The following ZNF652 variants were observed in gnomAD, a reference collection of about 807,000 sequenced individuals.
ZNF652 encodes zinc finger protein 652.
In ZNF652, 16 loss-of-function variants were observed where a neutral mutation model predicts 45.2. That is an observed-to-expected ratio of 0.35 (90% CI 0.24 to 0.54). The LOEUF (loss-of-function observed/expected upper bound fraction) is 0.54. ZNF652 is among the 20% of genes least tolerant of loss of function. The probability of loss-of-function intolerance (pLI) is 0.91; values close to 1 mark genes in which losing one functional copy is unlikely to be tolerated. For missense variants in ZNF652, 614 were observed against 765.6 expected (o/e 0.80, Z 2.34); for synonymous variants, 250 against 260.6 (o/e 0.96, Z 0.39).
chr17:49,346,112 A>C (rs566605199), intron 1 of ZNF652, among the ~76,000 whole-genome samples: 187 of 152,336 alleles, frequency 1.2e-3, no homozygotes, highest in Non-Finnish European at 2.0e-3. Flanking sequence ...CAGTCTCACA[A>C]TTAGTTTATA....
At position 49,289,342 on chromosome 17, in the gene ZNF652, C is replaced by T. The variant is rs1418289303; in HGVS notation, c.*9071G>A. On this transcript the variant is annotated 3_prime_UTR_variant, in exon 6 of 6. Transcript: ENST00000430262. ...CAGAGTCTCACAAGAATAAAATATA[C>T]AATGCTACATTGAGTGGTTAAAAAT... 6.6e-6 allele frequency: 1 copy of T among 151,548 alleles called. No homozygotes were observed. Among genetic ancestry groups the T allele is most frequent in the Non-Finnish European group, 1.5e-5 (1 of 67,942 alleles). The allele number at this position is 151,548 out of a possible 1,614,324, so 9.4% of individuals were successfully genotyped here. A position where few individuals can be genotyped will look rare whatever the true frequency, so the allele number is the denominator to read the frequency against.
chr17:49,349,975 C>T (rs1259901808), intron 1 of ZNF652, among the ~76,000 whole-genome samples: 2 of 151,956 alleles, frequency 1.3e-5, no homozygotes, highest in Non-Finnish European at 2.9e-5. Flanking sequence ...ATAACCAAAG[C>T]GAATCCATGA....
At chr17:49,320,227 TTC>T (rs1467432313) in intron 1 of ZNF652, among the ~76,000 whole-genome samples, 1 of 152,250 alleles carries the variant, frequency 6.6e-6, no homozygotes, top group Non-Finnish European at 1.5e-5. Flanking sequence ...ATCCTTTGTC[TTC>T]TCTTCCATTT....
intron 1 of ZNF652, among the ~76,000 whole-genome samples, chr17:49,350,137 A>C (rs1045662940): frequency 8.5e-5 from 13 of 152,210 alleles, no homozygotes; most frequent in Non-Finnish European, 1.6e-4. Context: ...TTTGAGAAAC[A>C]CACTATGGTT....
chr17:49,344,395 T>A (rs1312321885), intron 1 of ZNF652, among the ~76,000 whole-genome samples: 1 of 151,548 alleles, frequency 6.6e-6, no homozygotes, highest in Non-Finnish European at 1.5e-5. Context: ...TTATTCCCCT[T>A]CACTGATTTA....
rs1219370142 is a variant in ZNF652 at position 49,317,113 on chromosome 17, G to C, written c.613C>G (p.Pro205Ala). 1 of 1,613,908 alleles carries C rather than the reference G, an allele frequency of 6.2e-7. No homozygotes were observed. Among genetic ancestry groups the C allele is most frequent in the Non-Finnish European group, 8.5e-7 (1 of 1,180,028 alleles). The change falls in exon 2 of 6, where the codon CCT (proline) becomes GCT (alanine). Residue 205 changes from proline to alanine, a missense_variant. Pro to Ala is a conservative substitution (Grantham distance 27). This residue lies in a region of ZNF652 where 262 missense variants were observed against 306.3 expected (regional missense o/e 0.86). Transcript: ENST00000430262. Reference sequence around the variant, plus strand: ...CGACCTCTTGTAGTTCTGGGAGTAGGGGAAGTGGTAGCTGCGGCAACAGAG... The same window carrying C: ...CGACCTCTTGTAGTTCTGGGAGTAGCGGAAGTGGTAGCTGCGGCAACAGAG... ...AASVAAATTS[P>A]TPRTTRGRRK... is the part of the protein sequence containing the mutation.
At chr17:49,336,034 T>G (rs1161104476) in intron 1 of ZNF652, among the ~76,000 whole-genome samples, 1 of 152,142 alleles carries the variant, frequency 6.6e-6, no homozygotes. Context: ...ACTTTTTTTT[T>G]TTTGTTTTGA....
In ZNF652 at chr17:49,296,328, CAGA is replaced by C. The variant is rs1317289936; in HGVS notation, c.*2082_*2084del. ...GCTCATTATATAAGACAGGCAAAAT[CAGA>C]AGGAGAAAATTTAGAAACACTAAAC... is the stretch of plus-strand genomic sequence containing the variant. On this transcript the variant is annotated 3_prime_UTR_variant, in exon 6 of 6. Coordinates refer to ENST00000430262, the MANE Select transcript of ZNF652 (RefSeq NM_001145365.3). 2 of 152,400 alleles carry C rather than the reference CAGA, an allele frequency of 1.3e-5. No individual in the cohort carries two copies. Among genetic ancestry groups the C allele is most frequent in the African/African-American group, 2.4e-5 (1 of 41,380 alleles). 9.4% of individuals were successfully genotyped at this position (152,400 alleles called of 1,614,324 possible). A position where few individuals can be genotyped will look rare whatever the true frequency, so the allele number is the denominator to read the frequency against.
At chr17:49,319,679 T>C (rs1373215031) in intron 1 of ZNF652, among the ~76,000 whole-genome samples, 2 of 145,254 alleles carry the variant, frequency 1.4e-5, no homozygotes, top group Admixed American at 7.0e-5. Context: ...TCTCACTCCA[T>C]TGCCTAGGCT....
intron 1 of ZNF652, among the ~76,000 whole-genome samples, chr17:49,352,787 T>C (rs1472805031): frequency 2.6e-5 from 4 of 152,150 alleles, no homozygotes; most frequent in Non-Finnish European, 4.4e-5. Context: ...CAAAGGAGTA[T>C]TACCTGGCAA....
chr17:49,306,989 G>A (rs1437828672), intron 5 of ZNF652, among the ~76,000 whole-genome samples: 1 of 151,992 alleles, frequency 6.6e-6, no homozygotes, highest in African/African-American at 2.4e-5. Flanking sequence ...CTGACCTCAA[G>A]TGATCCACCC....
At chr17:49,331,833 G>A (rs933381564) in intron 1 of ZNF652, among the ~76,000 whole-genome samples, 1 of 152,156 alleles carries the variant, frequency 6.6e-6, no homozygotes, top group Non-Finnish European at 1.5e-5. Flanking sequence ...GCCATGCATG[G>A]TAGTGCATGC....
chr17:49,290,591 G>A lies in ZNF652; in HGVS notation c.*7822C>T, dbSNP rs1247082476. Reference sequence around the variant, plus strand: ...GTGGTGGCCTGCGGAGGAGATAGGAGTGGAGAAGCCTGCCTGCTCTGCCTT... The same window carrying A: ...GTGGTGGCCTGCGGAGGAGATAGGAATGGAGAAGCCTGCCTGCTCTGCCTT... On this transcript the variant is annotated 3_prime_UTR_variant, in exon 6 of 6. Transcript: ENST00000430262. 1 of 152,268 alleles carries A rather than the reference G, an allele frequency of 6.6e-6. No homozygotes were observed. The allele number at this position is 152,268 out of a possible 1,614,324, so 9.4% of individuals were successfully genotyped here. A position where few individuals can be genotyped will look rare whatever the true frequency, so the allele number is the denominator to read the frequency against.
chr17:49,299,436 G>A (rs192876290), intron 5 of ZNF652, among the ~76,000 whole-genome samples: 38 of 152,146 alleles, frequency 2.5e-4, no homozygotes, highest in African/African-American at 9.2e-4. Context: ...GCTACAGTGC[G>A]ATGGTGCAAT....
chr17:49,343,937 G>C (rs1399313638), intron 1 of ZNF652, among the ~76,000 whole-genome samples: 1 of 152,094 alleles, frequency 6.6e-6, no homozygotes, highest in African/African-American at 2.4e-5. Context: ...GGTGGCTCAA[G>C]CCTGTAATCC....
intron 1 of ZNF652, among the ~76,000 whole-genome samples, chr17:49,329,567 G>C (rs900965194): frequency 5.3e-5 from 8 of 152,164 alleles, no homozygotes; most frequent in Non-Finnish European, 1.2e-4. Flanking sequence ...TCAAGAAACA[G>C]AACTACAGTC....
chr17:49,308,135 T>A (rs536074411), intron 5 of ZNF652, among the ~76,000 whole-genome samples: 1 of 152,138 alleles, frequency 6.6e-6, no homozygotes, highest in African/African-American at 2.4e-5. Context: ...TGTTTGCAAT[T>A]TTCATAGTTT....
At chr17:49,333,862 TA>T (rs2070053202) in intron 1 of ZNF652, among the ~76,000 whole-genome samples, 1 of 151,528 alleles carries the variant, frequency 6.6e-6, no homozygotes, top group Non-Finnish European at 1.5e-5. Flanking sequence ...ATGGCTATAA[TA>T]AAAAATTGGA....
chr17:49,310,368 T>G (rs923536048), intron 5 of ZNF652, among the ~76,000 whole-genome samples: 4 of 152,228 alleles, frequency 2.6e-5, no homozygotes, highest in African/African-American at 4.8e-5. Flanking sequence ...TATGCAAAGA[T>G]GGCTAATCCC....
Sources: allele counts gnomAD v4.1 joint callset (sites outside exome capture counted in the v4.1 genomes callset), GRCh38; gene constraint gnomAD v4.1.1; regional missense constraint gnomAD v4.1.1; transcripts MANE v1.5; gene names NCBI Gene and HGNC (gene_info 2026-07-23, HGNC 2026-07-21).